The following TENM2 variants were observed in gnomAD, a reference collection of about 807,000 sequenced individuals.
TENM2 encodes teneurin-2.
TENM2 carries 52 observed loss-of-function variants against 245.2 expected under a neutral mutation model. The ratio of observed to expected loss-of-function variants is 0.21; its 90% CI spans 0.17 to 0.27. The LOEUF is 0.27. TENM2 is among the 10% of genes least tolerant of loss of function. The pLI is 1.00. For missense variants in TENM2, 3,046 were observed against 3,666.8 expected (o/e 0.83, Z 4.37); for synonymous variants, 1,363 against 1,438.9 (o/e 0.95, Z 1.19).
At chr5:167,875,313 ACT>A (rs1308040092) in intron 2 of TENM2, among the ~76,000 whole-genome samples, 1 of 151,276 alleles carries the variant, frequency 6.6e-6, no homozygotes, top group Non-Finnish European at 1.5e-5. Context: ...AAGTGTGAAG[ACT>A]CTGAAGGTGG....
chr5:167,222,876 A>G, the TENM2 span, among the ~76,000 whole-genome samples: 1 of 152,208 alleles, frequency 6.6e-6, no homozygotes, highest in Non-Finnish European at 1.5e-5. Context: ...ATATATGAAC[A>G]CACACATAAA....
At chr5:168,068,962 A>T (rs1790746539) in intron 7 of TENM2, among the ~76,000 whole-genome samples, 2 of 152,074 alleles carry the variant, frequency 1.3e-5, no homozygotes, top group African/African-American at 4.8e-5. Flanking sequence ...CTTTCTCAAG[A>T]TTCCATTTAT....
chr5:167,043,437 G>C, the TENM2 span, among the ~76,000 whole-genome samples: 1 of 152,132 alleles, frequency 6.6e-6, no homozygotes, highest in Admixed American at 6.5e-5. Context: ...TATGTGTGTG[G>C]GGTGTTGAAG....
chr5:167,700,977 A>T (rs565804002), intron 2 of TENM2, among the ~76,000 whole-genome samples: 2 of 144,928 alleles, frequency 1.4e-5, no homozygotes, highest in Non-Finnish European at 1.5e-5. Flanking sequence ...AAAAAAAGCT[A>T]GCAAGTTTTT....
intron 1 of TENM2, among the ~76,000 whole-genome samples, chr5:167,360,784 T>C (rs1339359749): frequency 6.6e-6 from 1 of 152,178 alleles, no homozygotes; most frequent in Admixed American, 6.5e-5. Context: ...TTATTAAGCA[T>C]GTTTCATGAA....
exon 20 of TENM2, chr5:168,211,753 A>G: frequency 7.4e-7 from 1 of 1,347,028 alleles, no homozygotes; most frequent in Non-Finnish European, 1.0e-6. Context: ...GTTTAAACAT[A>G]GGTAAGATGA....
chr5:167,952,745 T>C, exon 4 of TENM2: 1 of 1,591,676 alleles, frequency 6.3e-7, no homozygotes, highest in Non-Finnish European at 8.5e-7. Context: ...CAGCGCCCAA[T>C]GACCTGGCCA....
At chr5:167,938,214 C>T (rs1385907773) in intron 3 of TENM2, 2 of 152,112 alleles carry the variant, frequency 1.3e-5, no homozygotes, top group East Asian at 3.9e-4. Context: ...GCTCTGTGTG[C>T]CATGATGCAT....
the TENM2 span, among the ~76,000 whole-genome samples, chr5:167,021,983 A>G: frequency 6.6e-6 from 1 of 152,216 alleles, no homozygotes; most frequent in Admixed American, 6.5e-5. Flanking sequence ...AATGTATGCT[A>G]GTTACTATTG....
At chr5:167,298,175 G>A (rs184468473) in intron 1 of TENM2, among the ~76,000 whole-genome samples, 3,840 of 151,624 alleles carry the variant, frequency 0.025, 146 homozygotes, top group African/African-American at 0.088. Context: ...TTGGGGCGGC[G>A]TGGGAACCTA....
At chr5:168,195,594 G>A (rs1192203989) in intron 15 of TENM2, among the ~76,000 whole-genome samples, 1 of 148,522 alleles carries the variant, frequency 6.7e-6, no homozygotes, top group Admixed American at 6.7e-5. Flanking sequence ...GTGTGTGTGT[G>A]TGTGTGTGTG....
chr5:167,389,060 A>G (rs890432595), intron 2 of TENM2, among the ~76,000 whole-genome samples: 3 of 152,002 alleles, frequency 2.0e-5, no homozygotes, highest in African/African-American at 7.2e-5. Context: ...CAGAATCCTA[A>G]TGCTACCAGT....
At chr5:167,445,334 T>TAGAGAG (rs1380778783) in intron 2 of TENM2, among the ~76,000 whole-genome samples, 329 of 86,160 alleles carry the variant, frequency 3.8e-3, no homozygotes, top group East Asian at 0.013. Flanking sequence ...TATATATATA[T>TAGAGAG]ATAGAGAGAG....
At chr5:168,062,296 T>TA (rs765279732) in intron 7 of TENM2, 31 bp downstream of exon 9, 1 of 1,560,954 alleles carries the variant, frequency 6.4e-7, no homozygotes, top group East Asian at 2.2e-5. Context: ...ATCAAGCATT[T>TA]AAAAAAATAT....
intron 5 of TENM2, among the ~76,000 whole-genome samples, chr5:167,999,842 A>G (rs1226106922): frequency 6.6e-6 from 1 of 152,204 alleles, no homozygotes; most frequent in African/African-American, 2.4e-5. Flanking sequence ...GACTTTGTAG[A>G]ACATCGTAAT....
At chr5:167,392,228 G>C (rs1314567453) in intron 2 of TENM2, among the ~76,000 whole-genome samples, 1 of 152,156 alleles carries the variant, frequency 6.6e-6, no homozygotes, top group Non-Finnish European at 1.5e-5. Flanking sequence ...AATAAGATAA[G>C]AGTTCTCATA....
chr5:168,254,127 G>A (rs903658861), intron 27 of TENM2, among the ~76,000 whole-genome samples: 10 of 152,254 alleles, frequency 6.6e-5, no homozygotes, highest in African/African-American at 2.2e-4. Flanking sequence ...CACTGACAGC[G>A]TGTTCAGAGG....
At chr5:168,043,047 CA>C (rs948619211) in intron 5 of TENM2, among the ~76,000 whole-genome samples, 24 of 152,252 alleles carry the variant, frequency 1.6e-4, no homozygotes, top group African/African-American at 5.3e-4. Flanking sequence ...GAGGGCCTCC[CA>C]AACTCATTTC....
chr5:167,061,673 A>C, the TENM2 span, among the ~76,000 whole-genome samples: 1 of 152,146 alleles, frequency 6.6e-6, no homozygotes, highest in Non-Finnish European at 1.5e-5. Flanking sequence ...TCAAGCATCA[A>C]AAGGATCATT....
Sources: gnomAD v4.1 joint callset for allele counts (sites outside exome capture counted in the v4.1 genomes callset) on GRCh38, gnomAD v4.1.1 for gene constraint, MANE v1.5 for transcripts, NCBI Gene and HGNC (gene_info 2026-07-23, HGNC 2026-07-21) for gene names.